Variants in HLA-DOB observed in about 807,000 individuals in gnomAD.
HLA-DOB encodes the protein major histocompatibility complex, class II, DO beta, also known as HLA class II histocompatibility antigen, DO beta chain.
In HLA-DOB, 25 loss-of-function variants were observed where a neutral mutation model predicts 27.7. The ratio of observed to expected loss-of-function variants is 0.90; its 90% CI spans 0.66 to 1.26. The LOEUF (loss-of-function observed/expected upper bound fraction) is 1.26, where lower values mean the gene tolerates loss of function less well. Ranked by LOEUF, HLA-DOB falls within the 50% of genes most tolerant of loss-of-function variation. The probability of loss-of-function intolerance (pLI) is 0.00; values close to 1 mark genes in which losing one functional copy is unlikely to be tolerated. For missense variants in HLA-DOB, 306 were observed against 324.9 expected (o/e 0.94, Z 0.45); for synonymous variants, 137 against 125.6 (o/e 1.09, Z -0.61).
At position 32,813,110 on chromosome 6, in the gene HLA-DOB, G is replaced by A. The variant is rs1001263464; in HGVS notation, c.*106C>T. ...GGGCTCCTCCAAGGATCAGGGAAGA[G>A]AGTTATTCCCAGAACATTGACCTCA... On this transcript the variant is annotated 3_prime_UTR_variant, in exon 6 of 6. Coordinates refer to ENST00000438763, the MANE Select transcript of HLA-DOB (RefSeq NM_002120.4). 1.6e-5 allele frequency: 16 copies of A among 1,025,914 alleles called. No homozygotes were observed. Among genetic ancestry groups the A allele is most frequent in the African/African-American group, 3.1e-5 (2 of 63,638 alleles). The allele number at this position is 1,025,914 out of a possible 1,614,324, so 63.6% of individuals were successfully genotyped here. A position where few individuals can be genotyped will look rare whatever the true frequency, so the allele number is the denominator to read the frequency against.
Position 32,815,080 on chromosome 6 carries a change from A to G in HLA-DOB, c.325T>C (p.Tyr109His). The G allele has an allele frequency of 6.2e-7, 1 of 1,614,172 alleles. No individual in the cohort carries two copies. The highest frequency in any genetic ancestry group is 8.5e-7 in the Non-Finnish European group (1 of 1,180,030). ...ACAGTGAAGGGTGCGCCCAGCCTGT[A>G]GTTGTGTCTACAGACCCCATCCACG... is the stretch of plus-strand genomic sequence containing the variant. ...QAVDGVCRHN[Y>H]RLGAPFTVGR... The change falls in exon 2 of 6, where the codon TAC becomes CAC. Residue 109 changes from tyrosine (Y) to histidine (H), a missense_variant. By Grantham distance (83) the Tyr-to-His change is moderately conservative. Transcript: ENST00000438763.
At chr6:32,815,395 G>C (rs1767977392) in intron 1 of HLA-DOB, 82 bp from the exon 2 acceptor site, 2 of 1,480,900 alleles carry the variant, frequency 1.4e-6, no homozygotes, top group African/African-American at 2.8e-5. Flanking sequence ...AGACCACATG[G>C]ATCTAAGAGG....
chr6:32,814,901 A>G (rs1767953129), intron 2 of HLA-DOB, 143 bp downstream of exon 2: 1 of 992,556 alleles, frequency 1.0e-6, no homozygotes, highest in Non-Finnish European at 1.4e-6. Flanking sequence ...TTGTGAGGAT[A>G]ATATATCACA....
At chr6:32,814,028 T>G in intron 3 of HLA-DOB, 195 bp from the exon 4 acceptor site, 1 of 611,276 alleles carries the variant, frequency 1.6e-6, no homozygotes, top group Non-Finnish European at 2.9e-6. Context: ...TCACAGCCCA[T>G]AAGAATGCCT....
chr6:32,815,135 C>T lies in HLA-DOB; in HGVS notation c.270G>A (p.Arg90=), dbSNP rs370365246. 1.2e-6 allele frequency: 2 copies of T among 1,614,210 alleles called. No homozygotes were observed. The highest frequency in any genetic ancestry group is 1.3e-5 in the African/African-American group (1 of 75,060). The change falls in exon 2 of 6, where the codon CGG becomes CGA. Residue 90 remains arginine, a synonymous_variant. Transcript: ENST00000438763. ...GTCTGCTCCTCTCCAAGAGATCCAG[C>T]CGGCTGTTCCACTGCTCAGCATCTG... The part of the protein sequence containing the change: ...GQPDAEQWNS[R]LDLLERSRQA...
intron 5 of HLA-DOB, 46 bp downstream of exon 5, chr6:32,813,394 C>G (rs775964447): frequency 1.2e-6 from 2 of 1,605,994 alleles, no homozygotes; most frequent in South Asian, 2.2e-5. Context: ...GCCAAAGAAC[C>G]GGGAGAATGA....
In HLA-DOB at chr6:32,813,763, G is replaced by A. The variant is rs55816512; in HGVS notation, c.714C>T (p.Phe238=). The A allele has an allele frequency of 1.7e-5, 27 of 1,562,540 alleles. No homozygotes were observed. The highest frequency in any genetic ancestry group is 3.8e-5 in the Admixed American group (2 of 52,412). Reference sequence around the variant, plus strand: ...GCTGGATGACGATTCCCACCAGAAGGAAGATTAGCCCAAGTAGGAAGGCTG... The same window carrying A: ...GCTGGATGACGATTCCCACCAGAAGAAAGATTAGCCCAAGTAGGAAGGCTG... ...GIAAFLLGLI[F]LLVGIVIQLR... Residue 238 remains phenylalanine (F), a synonymous_variant, in exon 4 of 6, where the codon TTC becomes TTT. Transcript: ENST00000438763.
At chr6:32,814,990 A>T in intron 2 of HLA-DOB, 54 bp downstream of exon 2, 1 of 1,592,514 alleles carries the variant, frequency 6.3e-7, no homozygotes, top group Non-Finnish European at 8.6e-7. Context: ...AGCCATGGCC[A>T]GGTTCACATG....
At chr6:32,814,779 G>A (rs760446203) in intron 2 of HLA-DOB, among the ~76,000 whole-genome samples, 178 bp from the exon 3 acceptor site, 1 of 152,158 alleles carries the variant, frequency 6.6e-6, no homozygotes, top group Non-Finnish European at 1.5e-5. Context: ...CTGTCAGGAG[G>A]ATTTAGACTT....
intron 1 of HLA-DOB, 134 bp downstream of exon 1, chr6:32,816,727 G>T: frequency 1.5e-6 from 1 of 663,896 alleles, no homozygotes; most frequent in Non-Finnish European, 2.6e-6. Context: ...TTCTGCCAAA[G>T]GGAAGAACAC....
chr6:32,813,385 C>T lies in HLA-DOB; in HGVS notation c.786+55G>A, dbSNP rs1001337250. The T allele has an allele frequency of 5.0e-6, 8 of 1,602,158 alleles. No individual in the cohort carries two copies. The African/African-American group carries it at 9.4e-5, about 19-fold the overall frequency. ...CTACCCCCATGTCATCTCCCTCTGG[C>T]CAAAGAACCGGGAGAATGATCTGCC... On this transcript the variant is annotated intron_variant, in intron 5 of 5. Transcript: ENST00000438763.
At chr6:32,816,382 T>C (rs1768020698) in intron 1 of HLA-DOB, among the ~76,000 whole-genome samples, 1 of 152,224 alleles carries the variant, frequency 6.6e-6, no homozygotes, top group Non-Finnish European at 1.5e-5. Context: ...TTTAGTACAA[T>C]TCTGACAATA....
chr6:32,813,553 A>G, intron 4 of HLA-DOB, 82 bp from the exon 5 acceptor site: 1 of 1,480,558 alleles, frequency 6.8e-7, no homozygotes, highest in Non-Finnish European at 9.4e-7. Flanking sequence ...AATGGCTGGC[A>G]AGGTCAGCAC....
intron 1 of HLA-DOB, 27 bp downstream of exon 1, chr6:32,816,834 G>A: frequency 6.3e-7 from 1 of 1,586,940 alleles, no homozygotes; most frequent in Non-Finnish European, 8.6e-7. Context: ...CATACACACT[G>A]GAAAAAAACA....
In HLA-DOB at chr6:32,816,940, C is replaced by A; in HGVS notation, c.12G>T (p.Gly4=). 6.2e-7 allele frequency: 1 copy of A among 1,612,638 alleles called. No individual in the cohort carries two copies. The highest frequency in any genetic ancestry group is 8.5e-7 in the Non-Finnish European group (1 of 1,179,694). The part of the protein sequence containing the change: MGS[G]WVPWVVALLV... ...GCAGAGCCACCACCCAGGGGACCCA[C>A]CCAGAACCCATTCTGGAGAAAGGAA... Residue 4 remains glycine, a synonymous_variant, in exon 1 of 6, where the codon GGG becomes GGT. Coordinates refer to ENST00000438763, the MANE Select transcript of HLA-DOB (RefSeq NM_002120.4).
intron 4 of HLA-DOB, 46 bp from the exon 5 acceptor site, chr6:32,813,517 A>G (rs753529597): frequency 6.2e-7 from 1 of 1,601,028 alleles, no homozygotes; most frequent in Non-Finnish European, 8.6e-7. Flanking sequence ...ATTAGGACCC[A>G]ATATGATTAT....
chr6:32,816,465 T>G (rs1458945466), intron 1 of HLA-DOB, among the ~76,000 whole-genome samples: 1 of 152,158 alleles, frequency 6.6e-6, no homozygotes, highest in Admixed American at 6.5e-5. Context: ...ATACCCCAAC[T>G]GAGATTTGTT....
chr6:32,814,124 T>G, intron 3 of HLA-DOB, 196 bp downstream of exon 3: 1 of 615,894 alleles, frequency 1.6e-6, no homozygotes, highest in Non-Finnish European at 2.8e-6. Flanking sequence ...CCTCATTTCT[T>G]GGAAGATATG....
At chr6:32,814,283 G>C (rs1383246725) in intron 3 of HLA-DOB, 37 bp downstream of exon 3, 2 of 1,596,690 alleles carry the variant, frequency 1.3e-6, no homozygotes, top group South Asian at 1.1e-5. Flanking sequence ...GTATAGTCCT[G>C]AGTCAGGCCC....
Sources: allele counts gnomAD v4.1 joint callset (sites outside exome capture counted in the v4.1 genomes callset), GRCh38; gene constraint gnomAD v4.1.1; transcripts MANE v1.5; gene names NCBI Gene and HGNC (gene_info 2026-07-23, HGNC 2026-07-21).